Variants in LINC00305 observed in about 807,000 individuals in gnomAD.
LINC00305 encodes long intergenic non-protein coding RNA 305.
At chr18:64,130,995 T>C (rs1227682003) in intron 1 of LINC00305, among the ~76,000 whole-genome samples, 1 of 152,096 alleles carries the variant, frequency 6.6e-6, no homozygotes, top group East Asian at 1.9e-4. Flanking sequence ...GATTTAAATT[T>C]CAACTGTCAA....
At chr18:64,132,057 A>G in intron 1 of LINC00305, among the ~76,000 whole-genome samples, 1 of 152,232 alleles carries the variant, frequency 6.6e-6, no homozygotes, top group East Asian at 1.9e-4. Flanking sequence ...TTTGTTTTAT[A>G]ATAAAAGAAT....
intron 1 of LINC00305, among the ~76,000 whole-genome samples, chr18:64,120,190 G>T (rs2051355546): frequency 6.6e-6 from 1 of 152,142 alleles, no homozygotes; most frequent in Non-Finnish European, 1.5e-5. Flanking sequence ...CTGATGTGGA[G>T]CATAATTAGC....
intron 3 of LINC00305, among the ~76,000 whole-genome samples, chr18:64,089,060 T>C (rs1193504854): frequency 6.6e-6 from 1 of 152,136 alleles, no homozygotes; most frequent in African/African-American, 2.4e-5. Flanking sequence ...AAGATACAGG[T>C]AATTCCAGAG....
At chr18:64,129,451 G>T (rs562880863) in intron 1 of LINC00305, among the ~76,000 whole-genome samples, 1 of 152,044 alleles carries the variant, frequency 6.6e-6, no homozygotes, top group African/African-American at 2.4e-5. Flanking sequence ...AAGGGCCTTG[G>T]GTACCAAGAG....
At chr18:64,116,347 T>C (rs1180403321) in intron 1 of LINC00305, among the ~76,000 whole-genome samples, 2 of 152,228 alleles carry the variant, frequency 1.3e-5, no homozygotes, top group African/African-American at 4.8e-5. Flanking sequence ...CAAAAAGTTT[T>C]AATTTGTAAA....
At chr18:64,140,877 A>G (rs912983806) in intron 1 of LINC00305, among the ~76,000 whole-genome samples, 1 of 151,966 alleles carries the variant, frequency 6.6e-6, no homozygotes, top group African/African-American at 2.4e-5. Context: ...GTGACCAGGG[A>G]AGAAAGACAC....
chr18:64,146,833 G>A (rs1472649028), intron 1 of LINC00305, among the ~76,000 whole-genome samples: 1 of 152,102 alleles, frequency 6.6e-6, no homozygotes, highest in Non-Finnish European at 1.5e-5. Context: ...GGGTAAGAGG[G>A]GAGGTTTAAG....
At chr18:64,141,473 G>C (rs2051462796) in intron 1 of LINC00305, among the ~76,000 whole-genome samples, 1 of 152,102 alleles carries the variant, frequency 6.6e-6, no homozygotes, top group African/African-American at 2.4e-5. Flanking sequence ...GATAATCGTT[G>C]TAGAAAAAAG....
chr18:64,089,090 G>A (rs2051215136), intron 3 of LINC00305, among the ~76,000 whole-genome samples: 1 of 152,146 alleles, frequency 6.6e-6, no homozygotes. Flanking sequence ...GATATGGTTT[G>A]ATTCTGTGTC....
At chr18:64,114,964 A>G (rs2051331396) in intron 1 of LINC00305, among the ~76,000 whole-genome samples, 1 of 152,224 alleles carries the variant, frequency 6.6e-6, no homozygotes, top group South Asian at 2.1e-4. Context: ...GAGAGCTTCT[A>G]CACACCCTTC....
chr18:64,101,589 A>G (rs939454282), intron 1 of LINC00305, among the ~76,000 whole-genome samples: 5 of 152,172 alleles, frequency 3.3e-5, no homozygotes, highest in African/African-American at 1.2e-4. Flanking sequence ...GACACCAGTC[A>G]TTGGATTATG....
At chr18:64,096,114 A>G (rs1428752000) in intron 3 of LINC00305, among the ~76,000 whole-genome samples, 1 of 152,088 alleles carries the variant, frequency 6.6e-6, no homozygotes, top group Non-Finnish European at 1.5e-5. Context: ...CATAGATAAT[A>G]TAAGATGACT....
At chr18:64,135,966 C>T (rs149642144) in intron 1 of LINC00305, among the ~76,000 whole-genome samples, 106 of 152,210 alleles carry the variant, frequency 7.0e-4, no homozygotes, top group African/African-American at 2.0e-3. Context: ...TGGGGAGGGA[C>T]GGACGTGGAG....
At chr18:64,139,853 A>G (rs1004335056) in intron 1 of LINC00305, among the ~76,000 whole-genome samples, 1 of 152,076 alleles carries the variant, frequency 6.6e-6, no homozygotes, top group Non-Finnish European at 1.5e-5. Flanking sequence ...TAGCATGTGG[A>G]TCCTTTCTTC....
chr18:64,136,857 G>A (rs1599229793), intron 1 of LINC00305, among the ~76,000 whole-genome samples: 1 of 151,980 alleles, frequency 6.6e-6, no homozygotes, highest in East Asian at 1.9e-4. Context: ...ACAGGTGTAG[G>A]GCACGCTGGA....
intron 1 of LINC00305, among the ~76,000 whole-genome samples, chr18:64,119,874 TG>T (rs2144257897): frequency 6.6e-6 from 1 of 152,240 alleles, no homozygotes; most frequent in South Asian, 2.1e-4. Flanking sequence ...GGACACAATT[TG>T]GCTTTTGCTT....
At chr18:64,133,402 G>GA (rs1457442182) in intron 1 of LINC00305, among the ~76,000 whole-genome samples, 1 of 119,116 alleles carries the variant, frequency 8.4e-6, no homozygotes, top group Non-Finnish European at 2.1e-5. Flanking sequence ...AGAGCTGAGA[G>GA]AAAGACTCTA....
intron 3 of LINC00305, among the ~76,000 whole-genome samples, chr18:64,083,197 T>G (rs1286933512): frequency 1.3e-5 from 2 of 152,128 alleles, no homozygotes; most frequent in Non-Finnish European, 2.9e-5. Context: ...GCCAAAGAAG[T>G]GGTAAAAATG....
intron 3 of LINC00305, among the ~76,000 whole-genome samples, chr18:64,086,809 G>A (rs553130391): frequency 4.1e-4 from 62 of 152,320 alleles, no homozygotes; most frequent in Non-Finnish European, 6.9e-4. Flanking sequence ...CAAACGAGAG[G>A]TGACTTCTTA....
Sources: allele counts gnomAD v4.1 joint callset (sites outside exome capture counted in the v4.1 genomes callset), GRCh38; gene constraint gnomAD v4.1.1; transcripts MANE v1.5; gene names NCBI Gene and HGNC (gene_info 2026-07-23, HGNC 2026-07-21).